CARMIL3: variants seen among roughly 807,000 people sequenced by gnomAD.
The protein encoded by CARMIL3 is capping protein, Arp2/3 and myosin-I linker protein 3.
Under a neutral mutation model 180.8 loss-of-function variants are expected in CARMIL3, and 88 were observed. That is an observed-to-expected ratio of 0.49 (90% CI 0.41 to 0.58). The LOEUF (loss-of-function observed/expected upper bound fraction) is 0.58, where lower values mean the gene tolerates loss of function less well. CARMIL3 is among the 20% of genes least tolerant of loss of function. CARMIL3 has a pLI of 0.00. For missense variants in CARMIL3, 1,548 were observed against 1,787.0 expected (o/e 0.87, Z 2.41); for synonymous variants, 696 against 714.5 (o/e 0.97, Z 0.41).
intron 14 of CARMIL3, 123 bp downstream of exon 14, chr14:24,057,367 A>T: frequency 1.2e-6 from 1 of 853,538 alleles, no homozygotes; most frequent in Non-Finnish European, 1.9e-6. Context: ...CTTCAGGTTC[A>T]GCTGAAGTAT....
At chr14:24,064,218 A>T (rs2035762103) in intron 31 of CARMIL3, 28 bp from the exon 32 acceptor site, 2 of 1,561,564 alleles carry the variant, frequency 1.3e-6, no homozygotes, top group East Asian at 2.3e-5. Flanking sequence ...CCTAGATGAG[A>T]TGTCCCACGG....
Position 24,057,149 on chromosome 14 carries a change from T to C in CARMIL3, c.1063-18T>C, listed in dbSNP as rs572732491. The C allele has an allele frequency of 6.2e-7, 1 of 1,612,778 alleles. No homozygotes were observed. The highest frequency in any genetic ancestry group is 1.7e-5 in the Admixed American group (1 of 59,892). ...CCATCATCCCTTCCCCTGCAACCCC[T>C]CTTCCTTCCTACTCCAGGCCCTCTA... On this transcript the variant is annotated intron_variant, in intron 13 of 39. Coordinates refer to ENST00000342740, the MANE Select transcript of CARMIL3 (RefSeq NM_138360.4).
intron 36 of CARMIL3, among the ~76,000 whole-genome samples, chr14:24,067,525 T>G (rs1013592094): frequency 6.6e-6 from 1 of 152,260 alleles, no homozygotes; most frequent in Non-Finnish European, 1.5e-5. Flanking sequence ...CTCCCCACTG[T>G]CCTATCCCAC....
In CARMIL3 at chr14:24,060,998, A is replaced by G; in HGVS notation, c.2262A>G (p.Ser754=). 1 of 1,551,702 alleles carries G rather than the reference A, an allele frequency of 6.4e-7. No individual in the cohort carries two copies. The highest frequency in any genetic ancestry group is 8.7e-7 in the Non-Finnish European group (1 of 1,146,986). The change falls in exon 26 of 40, where the codon TCA becomes TCG. Residue 754 remains serine (S), a synonymous_variant. Coordinates refer to ENST00000342740, the MANE Select transcript of CARMIL3 (RefSeq NM_138360.4). ...NDGPVRQRLE[S]VASEVSKAVD... Reference sequence around the variant, plus strand: ...GGCCTGTGCGGCAGAGGCTGGAATCAGTAGCAAGTGAGGTGTCCAAAGCTG... The same window carrying G: ...GGCCTGTGCGGCAGAGGCTGGAATCGGTAGCAAGTGAGGTGTCCAAAGCTG...
chr14:24,064,362 A>G lies in CARMIL3; in HGVS notation c.3080+16A>G, dbSNP rs2035763996. On this transcript the variant is annotated intron_variant, in intron 32 of 39. Coordinates refer to ENST00000342740, the MANE Select transcript of CARMIL3 (RefSeq NM_138360.4). ...AAAGTTCTAGGTGTGATGCCTAAAC[A>G]CACTCCCATTTTCAGCAGGCCCCAA... 1 of 1,581,990 alleles carries G rather than the reference A, an allele frequency of 6.3e-7. No individual in the cohort carries two copies. The highest frequency in any genetic ancestry group is 1.3e-5 in the African/African-American group (1 of 74,444).
In CARMIL3 at chr14:24,059,450, C is replaced by A; in HGVS notation, c.1799+8C>A. 1 of 1,561,352 alleles carries A rather than the reference C, an allele frequency of 6.4e-7. No individual in the cohort carries two copies. The highest frequency in any genetic ancestry group is 8.7e-7 in the Non-Finnish European group (1 of 1,152,750). ...GATAAACTCCTCCCTCAGGTGGGGC[C>A]CACACCGGGACCCCCTGACCTGGAG... On this transcript the variant is annotated splice_region_variant and intron_variant, in intron 21 of 39. Transcript: ENST00000342740. The surrounding 1 kb of genome is among the most constrained non-coding windows in gnomAD (Gnocchi z 6.3).
chr14:24,055,437 C>A, intron 8 of CARMIL3, 106 bp from the exon 9 acceptor site: 1 of 1,488,356 alleles, frequency 6.7e-7, no homozygotes, highest in South Asian at 1.1e-5. Flanking sequence ...CCATCCCCAT[C>A]TACCCATTTA....
At chr14:24,063,574 G>A (rs770801565) in intron 31 of CARMIL3, 41 bp downstream of exon 31, 1 of 1,558,772 alleles carries the variant, frequency 6.4e-7, no homozygotes, top group Non-Finnish European at 8.7e-7. Context: ...CCTTCACTCA[G>A]TGACACCAGA....
Position 24,059,577 on chromosome 14 carries a change from C to T in CARMIL3, c.1800-87C>T. The T allele has an allele frequency of 6.5e-7, 1 of 1,545,844 alleles. No homozygotes were observed. Among genetic ancestry groups the T allele is most frequent in the Non-Finnish European group, 8.8e-7 (1 of 1,132,506 alleles). ...AGCCCCAGAACCATCTCTGAGTCAG[C>T]CTTATTGCCCCAAGAGGTTTGTGTC... On this transcript the variant is annotated intron_variant, in intron 21 of 39. Transcript: ENST00000342740. The surrounding 1 kb of genome is among the most constrained non-coding windows in gnomAD (Gnocchi z 6.3).
In CARMIL3 at chr14:24,055,683, A is replaced by C. The variant is rs1270964230; in HGVS notation, c.682-18A>C. On this transcript the variant is annotated intron_variant, in intron 9 of 39. Transcript: ENST00000342740. ...GCCCCCCTTGGCCCCTGATCACAAG[A>C]CCCCCCTCTGTCCTCAGGGCTCTGA... The C allele has an allele frequency of 6.2e-7, 1 of 1,613,274 alleles. No homozygotes were observed. Among genetic ancestry groups the C allele is most frequent in the East Asian group, 2.2e-5 (1 of 44,842 alleles).
rs761196916 is a variant in CARMIL3, at chr14:24,065,706, G to A, written c.3481G>A (p.Gly1161Arg). ...QPRVHGVALP[G>R]LERAKGWSFD... The stretch of plus-strand genomic sequence containing the variant: ...AAGGGTTCACGGTGTTGCCCTTCCC[G>A]GGTTGGAAAGAGCCAAGGGTTGGAG... The change falls in exon 34 of 40, where the codon GGG (glycine) becomes AGG (arginine). Residue 1161 changes from glycine to arginine, a missense_variant. Gly to Arg is a moderately radical substitution (Grantham distance 125). This residue lies in a region of CARMIL3 where 668 missense variants were observed against 687.8 expected (regional missense o/e 0.97). Transcript: ENST00000342740. 2.7e-5 allele frequency: 43 copies of A among 1,613,982 alleles called. No individual in the cohort carries two copies. The highest frequency in any genetic ancestry group is 3.1e-5 in the Non-Finnish European group (37 of 1,179,970).
At chr14:24,060,127 G>T in intron 23 of CARMIL3, 30 bp from the exon 24 acceptor site, 1 of 1,613,866 alleles carries the variant, frequency 6.2e-7, no homozygotes, top group African/African-American at 1.3e-5. Flanking sequence ...CCATCCCCAG[G>T]CCCTGACCCA....
intron 10 of CARMIL3, 150 bp downstream of exon 10, chr14:24,055,939 C>A: frequency 1.3e-6 from 1 of 775,858 alleles, no homozygotes; most frequent in Non-Finnish European, 2.1e-6. Flanking sequence ...GGGCACAAAG[C>A]AAGTCGGAGG....
At chr14:24,062,593 TG>T in intron 28 of CARMIL3, 26 bp downstream of exon 28, 12 of 1,613,746 alleles carry the variant, frequency 7.4e-6, no homozygotes, top group Non-Finnish European at 1.0e-5. Context: ...CAGCCTGGCC[TG>T]GCTCGGGCAC....
At position 24,065,497 on chromosome 14, in the gene CARMIL3, G is replaced by T. The variant is rs578054251; in HGVS notation, c.3397-125G>T. ...CAGGCGTTGGAAGGACTCTTCAGAG[G>T]GTCTCTGCAGGGCTTCCCCGTGGCT... is the stretch of plus-strand genomic sequence containing the variant. On this transcript the variant is annotated intron_variant, in intron 33 of 39. Transcript: ENST00000342740. 24 of 1,387,836 alleles carry T rather than the reference G, an allele frequency of 1.7e-5. 1 individual carries two copies. Among genetic ancestry groups the T allele is most frequent in the Admixed American group, 1.4e-4 (6 of 42,924 alleles). The allele number at this position is 1,387,836 out of a possible 1,614,324, so 86.0% of individuals were successfully genotyped here. A position where few individuals can be genotyped will look rare whatever the true frequency, so the allele number is the denominator to read the frequency against.
At position 24,065,001 on chromosome 14, in the gene CARMIL3, G is replaced by A. The variant is rs754798387; in HGVS notation, c.3124G>A (p.Ala1042Thr). Residue 1042 changes from alanine (A) to threonine (T), a missense_variant, in exon 33 of 40, where the codon GCA (alanine) becomes ACA (threonine). By Grantham distance (58) the Ala-to-Thr change is moderately conservative. This residue lies in a region of CARMIL3 where 668 missense variants were observed against 687.8 expected (regional missense o/e 0.97). Coordinates refer to ENST00000342740, the MANE Select transcript of CARMIL3 (RefSeq NM_138360.4). Reference protein sequence around the residue: ...LRTVRPGLSEAPLPPLQKKRR... With the variant: ...LRTVRPGLSETPLPPLQKKRR... ...GACCGTGCGGCCAGGACTCTCGGAG[G>A]CACCGCTGCCTCCACTCCAGAAGAA... 3 of 1,612,146 alleles carry A rather than the reference G, an allele frequency of 1.9e-6. No individual in the cohort carries two copies. The highest frequency in any genetic ancestry group is 2.5e-6 in the Non-Finnish European group (3 of 1,179,572).
chr14:24,060,520 T>G, intron 24 of CARMIL3, 108 bp from the exon 25 acceptor site: 2 of 1,492,392 alleles, frequency 1.3e-6, no homozygotes, highest in Non-Finnish European at 1.8e-6. Flanking sequence ...GCCAGAGACA[T>G]CACCTCCACC....
chr14:24,069,523 G>A lies in CARMIL3; in HGVS notation c.*119G>A, dbSNP rs887537745. 4.4e-6 allele frequency: 6 copies of A among 1,360,774 alleles called. No individual in the cohort carries two copies. Among genetic ancestry groups the A allele is most frequent in the Non-Finnish European group, 6.1e-6 (6 of 980,672 alleles). The allele number at this position is 1,360,774 out of a possible 1,614,324, so 84.3% of individuals were successfully genotyped here. On this transcript the variant is annotated 3_prime_UTR_variant, in exon 40 of 40. Transcript: ENST00000342740. ...CCTGTCCTACAGGGGCAAGACGGCA[G>A]GACCAGGCATGGGGGAGCTGGAGGC...
At chr14:24,060,563 AG>A in intron 24 of CARMIL3, 64 bp from the exon 25 acceptor site, 1 of 1,590,546 alleles carries the variant, frequency 6.3e-7, no homozygotes. Flanking sequence ...GCACTGTCTA[AG>A]GGGTCCTACC....
Sources: gnomAD v4.1 joint callset for allele counts (sites outside exome capture counted in the v4.1 genomes callset) on GRCh38, gnomAD v4.1.1 for gene constraint, gnomAD v4.1.1 regional missense constraint, Gnocchi (gnomAD v3.1) non-coding constraint, MANE v1.5 for transcripts, NCBI Gene and HGNC (gene_info 2026-07-23, HGNC 2026-07-21) for gene names.